The following STARD13 variants were observed in gnomAD, a reference collection of about 807,000 sequenced individuals.
STARD13 encodes the protein StAR related lipid transfer domain containing 13.
A neutral mutation model predicts 106.4 loss-of-function variants in STARD13; 62 were observed. The ratio of observed to expected loss-of-function variants is 0.58; its 90% CI spans 0.48 to 0.72. The LOEUF (loss-of-function observed/expected upper bound fraction) is 0.72. Ranked by LOEUF, STARD13 falls within the 30% of genes least tolerant of loss-of-function variation. STARD13 has a pLI of 0.00. For synonymous variants in STARD13, 565 were observed against 553.0 expected, an observed-to-expected ratio of 1.02 and a Z score of -0.31; for missense variants, 1,387 against 1,424.0, an observed-to-expected ratio of 0.97 and a Z score of 0.42.
chr13:33,358,452 G>A, the STARD13 span, among the ~76,000 whole-genome samples: 140 of 152,362 alleles, frequency 9.2e-4, no homozygotes, highest in Non-Finnish European at 1.4e-3. Context: ...CCTGAGTCTG[G>A]TGGGGACGTG....
intron 1 of STARD13, among the ~76,000 whole-genome samples, chr13:33,277,060 AG>A (rs748372784): frequency 0.13 from 4,236 of 31,464 alleles, 95 homozygotes; most frequent in South Asian, 0.28. Context: ...AAAAAAAAAA[AG>A]AGAGAGAATT....
chr13:33,113,162 G>A (rs995147700), intron 8 of STARD13: 12 of 521,374 alleles, frequency 2.3e-5, no homozygotes, highest in African/African-American at 9.6e-5. Flanking sequence ...TGGATCCCAC[G>A]CTCTCGATGG....
chr13:33,287,454 A>G (rs896456299), upstream of STARD13, among the ~76,000 whole-genome samples: 1 of 152,196 alleles, frequency 6.6e-6, no homozygotes, highest in Non-Finnish European at 1.5e-5. Context: ...GGTTGGCTTC[A>G]TGGCAGGAAG....
chr13:33,203,114 C>T (rs900050927), intron 1 of STARD13, among the ~76,000 whole-genome samples: 1 of 152,316 alleles, frequency 6.6e-6, no homozygotes, highest in South Asian at 2.1e-4. Context: ...ATTCTGATTC[C>T]CACAATGCAG....
At chr13:33,191,392 C>T (rs959378531) in intron 1 of STARD13, among the ~76,000 whole-genome samples, 8 of 152,122 alleles carry the variant, frequency 5.3e-5, no homozygotes, top group Admixed American at 6.5e-5. Flanking sequence ...AAAATGAGGG[C>T]TCTTTTAGAG....
upstream of STARD13, among the ~76,000 whole-genome samples, chr13:33,289,593 C>T (rs929053681): frequency 6.6e-6 from 1 of 151,994 alleles, no homozygotes; most frequent in African/African-American, 2.4e-5. Flanking sequence ...AACACGGCAC[C>T]GAAAAGGCAC....
intron 1 of STARD13, among the ~76,000 whole-genome samples, chr13:33,173,403 A>G (rs1382111942): frequency 1.3e-5 from 2 of 152,352 alleles, no homozygotes; most frequent in African/African-American, 2.4e-5. Context: ...GCAATCATTA[A>G]TATTACATAG....
chr13:33,336,757 G>GGAAAAA (rs540765609), intron 1 of STARD13: 4 of 113,572 alleles, frequency 3.5e-5, no homozygotes, highest in East Asian at 2.5e-4. Context: ...CCCTGTATCA[G>GGAAAAA]AAAAAAAAAA....
At position 33,185,605 on chromosome 13, in the gene STARD13, C is replaced by A. The variant is rs553710282; in HGVS notation, c.170-17983G>T. Among the ~76,000 whole-genome samples, 153 of 152,292 alleles carry A rather than the reference C, an allele frequency of 1.0e-3. 2 individuals carry two copies. The Middle Eastern group carries it at 0.014, about 14-fold the overall frequency. ...CCTGATAGTTGGCAATGGTGCTAAA[C>A]AACTCAAAGTTTCCTAAAATCGACC... On this transcript the variant is annotated intron_variant, in intron 1 of 13. Transcript: ENST00000336934.
At chr13:33,202,024 A>T (rs77889880) in intron 1 of STARD13, among the ~76,000 whole-genome samples, 14,464 of 152,204 alleles carry the variant, frequency 0.095, 822 homozygotes, top group East Asian at 0.29. Context: ...CTACATTTTT[A>T]TGAAACCATT....
At chr13:33,250,233 T>C (rs1225490535) in intron 1 of STARD13, among the ~76,000 whole-genome samples, 1 of 152,180 alleles carries the variant, frequency 6.6e-6, no homozygotes, top group East Asian at 1.9e-4. Context: ...CATTGCTAGG[T>C]ATTGTTAAGG....
chr13:33,260,209 G>T (rs1029373399), intron 1 of STARD13, among the ~76,000 whole-genome samples: 2 of 152,144 alleles, frequency 1.3e-5, no homozygotes, highest in African/African-American at 4.8e-5. Flanking sequence ...TGTTCTTCAT[G>T]ATTACATCAC....
the STARD13 span, among the ~76,000 whole-genome samples, chr13:33,578,162 A>G: frequency 3.3e-5 from 5 of 152,166 alleles, no homozygotes; most frequent in African/African-American, 1.2e-4. Flanking sequence ...CCTAAAATTC[A>G]TATGGAATAG....
At chr13:33,360,659 TCCTTCTGTGTAGACAG>T in the STARD13 span, among the ~76,000 whole-genome samples, 6 of 135,014 alleles carry the variant, frequency 4.4e-5, no homozygotes, top group Admixed American at 4.3e-4. Context: ...ACAGAAGGAT[TCCTTCTGTGTAGACAG>T]AAGGAATCCT....
the STARD13 span, among the ~76,000 whole-genome samples, chr13:33,539,049 G>A: frequency 2.0e-5 from 3 of 152,186 alleles, no homozygotes; most frequent in Non-Finnish European, 4.4e-5. Flanking sequence ...GATTATAGGC[G>A]TGAGCCACTG....
chr13:33,116,560 A>G (rs1376993770), intron 8 of STARD13, among the ~76,000 whole-genome samples: 1 of 152,192 alleles, frequency 6.6e-6, no homozygotes, highest in East Asian at 1.9e-4. Flanking sequence ...CTTGCTTGTG[A>G]CTCAGAAAGG....
chr13:33,301,599 G>A (rs1205565017), intron 1 of STARD13, among the ~76,000 whole-genome samples: 3 of 124,966 alleles, frequency 2.4e-5, no homozygotes, highest in Admixed American at 1.0e-4. Flanking sequence ...ACGGAGTCTC[G>A]CTCTGTTGAC....
At chr13:33,486,567 G>T in the STARD13 span, among the ~76,000 whole-genome samples, 1 of 152,180 alleles carries the variant, frequency 6.6e-6, no homozygotes, top group African/African-American at 2.4e-5. Flanking sequence ...TTCAAACTCT[G>T]GAGAGTGAAA....
At chr13:33,358,299 C>T in the STARD13 span, among the ~76,000 whole-genome samples, 15 of 152,192 alleles carry the variant, frequency 9.9e-5, no homozygotes, top group Admixed American at 5.9e-4. Context: ...CGAGCCTCCC[C>T]GAGGAGCACC....
Sources: gnomAD v4.1 joint callset for allele counts (sites outside exome capture counted in the v4.1 genomes callset) on GRCh38, gnomAD v4.1.1 for gene constraint, MANE v1.5 for transcripts, NCBI Gene and HGNC (gene_info 2026-07-23, HGNC 2026-07-21) for gene names.